Variants in KIRREL3 observed in about 807,000 individuals in gnomAD.
KIRREL3 encodes kirre like nephrin family adhesion molecule 3.
Under a neutral mutation model 89.7 loss-of-function variants are expected in KIRREL3, and 36 were observed. That is an observed-to-expected ratio of 0.40 (90% CI 0.31 to 0.53). The LOEUF is 0.53. Ranked by LOEUF, KIRREL3 falls within the 20% of genes least tolerant of loss-of-function variation. KIRREL3 has a pLI of 0.49. For missense variants in KIRREL3, 864 were observed against 1,056.6 expected (o/e 0.82, Z 2.53); for synonymous variants, 445 against 441.4 (o/e 1.01, Z -0.10).
At position 126,522,887 on chromosome 11, in the gene KIRREL3, C is replaced by T. The variant is rs1958640532; in HGVS notation, c.284-1423G>A. Among the ~76,000 whole-genome samples the T allele has an allele frequency of 6.6e-6, 1 of 152,220 alleles. No individual in the cohort carries two copies. The highest frequency in any genetic ancestry group is 1.5e-5 in the Non-Finnish European group (1 of 68,042). On this transcript the variant is annotated intron_variant, in intron 3 of 16. Coordinates refer to ENST00000525144, the MANE Select transcript of KIRREL3 (RefSeq NM_032531.4). The surrounding 1 kb of genome is among the most constrained non-coding windows in gnomAD (Gnocchi z 6.0). ...GCTCCTCCTTTTGAAGGACCCTCAC[C>T]ACACAGGGAGTGTTCTCAGACGGGT... is the stretch of plus-strand genomic sequence containing the variant.
intron 1 of KIRREL3, among the ~76,000 whole-genome samples, chr11:126,720,881 G>A (rs1948144393): frequency 6.6e-6 from 1 of 152,166 alleles, no homozygotes; most frequent in African/African-American, 2.4e-5. Flanking sequence ...CCAGGAAAGG[G>A]CAGAGAGCAG....
Position 126,579,537 on chromosome 11 carries a change from G to T in KIRREL3, c.56-16625C>A, listed in dbSNP as rs1941431382. Among the ~76,000 whole-genome samples, 1 of 152,190 alleles carries T rather than the reference G, an allele frequency of 6.6e-6. No individual in the cohort carries two copies. The highest frequency in any genetic ancestry group is 1.5e-5 in the Non-Finnish European group (1 of 68,034). Reference sequence around the variant, plus strand: ...GCAAATGGGGTCCGGGTTCATGCAAGAAGCCAGTGGAAGAGGAGAACTGGG... The same window carrying T: ...GCAAATGGGGTCCGGGTTCATGCAATAAGCCAGTGGAAGAGGAGAACTGGG... On this transcript the variant is annotated intron_variant, in intron 1 of 16. Coordinates refer to ENST00000525144, the MANE Select transcript of KIRREL3 (RefSeq NM_032531.4). The surrounding 1 kb of genome is among the most constrained non-coding windows in gnomAD (Gnocchi z 5.3).
In KIRREL3 at chr11:126,772,789, T is replaced by C. The variant is rs1950057823; in HGVS notation, c.56-209877A>G. On this transcript the variant is annotated intron_variant, in intron 1 of 16. Coordinates refer to ENST00000525144, the MANE Select transcript of KIRREL3 (RefSeq NM_032531.4). This position sits in a 1 kb window ranked among gnomAD's most constrained non-coding sequence, Gnocchi z 4.6. ...TTCTGCTTCCTCCTGCCCTGAGGAG[T>C]TTCTTCCTCTGATTCCTTGGTTTTG... is the stretch of plus-strand genomic sequence containing the variant. Among the ~76,000 whole-genome samples, 1 of 152,092 alleles carries C rather than the reference T, an allele frequency of 6.6e-6. No individual in the cohort carries two copies. The highest frequency in any genetic ancestry group is 6.5e-5 in the Admixed American group (1 of 15,278).
At chr11:126,862,193 T>C in intron 1 of KIRREL3, among the ~76,000 whole-genome samples, 1 of 152,210 alleles carries the variant, frequency 6.6e-6, no homozygotes, top group South Asian at 2.1e-4. Flanking sequence ...TTGCTCCTGA[T>C]GATAAAGGAG....
At chr11:126,730,895 C>T (rs11220593) in intron 1 of KIRREL3, among the ~76,000 whole-genome samples, 4,508 of 152,164 alleles carry the variant, frequency 0.03, 98 homozygotes, top group Non-Finnish European at 0.047. Context: ...CCTGCCACCA[C>T]GCCTGGCTAA....
intron 1 of KIRREL3, among the ~76,000 whole-genome samples, chr11:126,933,815 G>A (rs1184854687): frequency 6.8e-6 from 1 of 147,692 alleles, no homozygotes; most frequent in Non-Finnish European, 1.5e-5. Flanking sequence ...AGAAATTAAA[G>A]AAGTTCTAAA....
chr11:126,471,013 T>C lies in KIRREL3; in HGVS notation c.591+2296A>G, dbSNP rs1272105148. The stretch of plus-strand genomic sequence containing the variant: ...TTTAAAAATGTACCCAGAATTTTGT[T>C]TTTATTCAGGTAGAGGGAGGCCAAC... On this transcript the variant is annotated intron_variant, in intron 5 of 16. Transcript: ENST00000525144. This position sits in a 1 kb window ranked among gnomAD's most constrained non-coding sequence, Gnocchi z 5.4. Among the ~76,000 whole-genome samples, 1 of 152,170 alleles carries C rather than the reference T, an allele frequency of 6.6e-6. No homozygotes were observed. Among genetic ancestry groups the C allele is most frequent in the Admixed American group, 6.5e-5 (1 of 15,278 alleles).
intron 6 of KIRREL3, among the ~76,000 whole-genome samples, chr11:126,457,821 G>A (rs1363656713): frequency 3.3e-5 from 5 of 152,122 alleles, no homozygotes; most frequent in Non-Finnish European, 7.4e-5. Flanking sequence ...GTCAAACAAC[G>A]AGGAAAAGAG....
At chr11:126,855,702 C>T (rs1032809050) in intron 1 of KIRREL3, among the ~76,000 whole-genome samples, 29 of 152,216 alleles carry the variant, frequency 1.9e-4, no homozygotes, top group African/African-American at 1.9e-4. Flanking sequence ...CCAGCCTTTC[C>T]AGTCCTGAGA....
intron 4 of KIRREL3, among the ~76,000 whole-genome samples, chr11:126,514,229 C>T (rs116676675): frequency 0.039 from 5,862 of 152,202 alleles, 420 homozygotes; most frequent in African/African-American, 0.13. Context: ...GTCTCTGGCT[C>T]GTTTGCTACC....
chr11:126,784,799 C>T (rs1950434652), intron 1 of KIRREL3, among the ~76,000 whole-genome samples: 1 of 152,210 alleles, frequency 6.6e-6, no homozygotes, highest in South Asian at 2.1e-4. Flanking sequence ...CACCATTTTA[C>T]TTAGCGCTTG....
chr11:126,790,525 A>G (rs1377330973), intron 1 of KIRREL3, among the ~76,000 whole-genome samples: 2 of 152,204 alleles, frequency 1.3e-5, no homozygotes, highest in Non-Finnish European at 2.9e-5. Flanking sequence ...CCTAGAATAT[A>G]GTTAGTGCTC....
chr11:126,951,360 T>C (rs1388100008), intron 1 of KIRREL3, among the ~76,000 whole-genome samples: 1 of 152,238 alleles, frequency 6.6e-6, no homozygotes, highest in African/African-American at 2.4e-5. Flanking sequence ...AACTAGAACA[T>C]ATGCTTTAGA....
In KIRREL3 at chr11:126,704,760, C is replaced by T. The variant is rs117502991; in HGVS notation, c.56-141848G>A. Among the ~76,000 whole-genome samples, 3,099 of 152,302 alleles carry T rather than the reference C, an allele frequency of 0.02. 54 individuals carry two copies. Among genetic ancestry groups the T allele is most frequent in the Middle Eastern group, 0.068 (20 of 294 alleles). The stretch of plus-strand genomic sequence containing the variant: ...TCACTTTTGGGCTAGCTACCTATAC[C>T]AGTCCAAAGGCTTGATACAGGAACC... On this transcript the variant is annotated intron_variant, in intron 1 of 16. Coordinates refer to ENST00000525144, the MANE Select transcript of KIRREL3 (RefSeq NM_032531.4). The surrounding 1 kb of genome is among the most constrained non-coding windows in gnomAD (Gnocchi z 4.2).
Position 126,530,735 on chromosome 11 carries a change from G to A in KIRREL3, c.134-4048C>T, listed in dbSNP as rs1958916282. On this transcript the variant is annotated intron_variant, in intron 2 of 16. Coordinates refer to ENST00000525144, the MANE Select transcript of KIRREL3 (RefSeq NM_032531.4). This position sits in a 1 kb window ranked among gnomAD's most constrained non-coding sequence, Gnocchi z 5.8. ...ACCCAGCACCTTCCACCGGCCCAGG[G>A]TTTCCATCTTCTCCGCTTCGCATTT... Among the ~76,000 whole-genome samples, 1 of 152,182 alleles carries A rather than the reference G, an allele frequency of 6.6e-6. No homozygotes were observed. The highest frequency in any genetic ancestry group is 1.5e-5 in the Non-Finnish European group (1 of 68,030).
In KIRREL3 at chr11:126,622,411, C is replaced by G. The variant is rs1025317585; in HGVS notation, c.56-59499G>C. The stretch of plus-strand genomic sequence containing the variant: ...GAGGAGTCGGTTCTGGCTTGTGAGC[C>G]ATGGTGCTACTGGTCCCTCTGGAGG... On this transcript the variant is annotated intron_variant, in intron 1 of 16. Coordinates refer to ENST00000525144, the MANE Select transcript of KIRREL3 (RefSeq NM_032531.4). The surrounding 1 kb of genome is among the most constrained non-coding windows in gnomAD (Gnocchi z 5.2). 6.6e-6 allele frequency among the ~76,000 whole-genome samples: 1 copy of G among 152,200 alleles called. No homozygotes were observed. The highest frequency in any genetic ancestry group is 2.4e-5 in the African/African-American group (1 of 41,444).
Position 126,558,652 on chromosome 11 carries a change from G to A in KIRREL3, c.133+4183C>T, listed in dbSNP as rs1310139451. 2.0e-5 allele frequency among the ~76,000 whole-genome samples: 3 copies of A among 152,166 alleles called. No homozygotes were observed. Among genetic ancestry groups the A allele is most frequent in the Non-Finnish European group, 4.4e-5 (3 of 68,032 alleles). On this transcript the variant is annotated intron_variant, in intron 2 of 16. Coordinates refer to ENST00000525144, the MANE Select transcript of KIRREL3 (RefSeq NM_032531.4). The surrounding 1 kb of genome is among the most constrained non-coding windows in gnomAD (Gnocchi z 4.0). Reference sequence around the variant, plus strand: ...ATAGAGGAGGCCTGAGCTCTCTGAGGCAGGCACAGCCCCTCCCCTGATACA... The same window carrying A: ...ATAGAGGAGGCCTGAGCTCTCTGAGACAGGCACAGCCCCTCCCCTGATACA...
At chr11:126,760,067 C>T (rs969827931) in intron 1 of KIRREL3, among the ~76,000 whole-genome samples, 2 of 152,190 alleles carry the variant, frequency 1.3e-5, no homozygotes, top group African/African-American at 4.8e-5. Context: ...TTCTTATCCC[C>T]ACTGGCCCTG....
At position 126,620,375 on chromosome 11, in the gene KIRREL3, C is replaced by T. The variant is rs1313702761; in HGVS notation, c.56-57463G>A. Among the ~76,000 whole-genome samples, 1 of 152,172 alleles carries T rather than the reference C, an allele frequency of 6.6e-6. No individual in the cohort carries two copies. The highest frequency in any genetic ancestry group is 2.4e-5 in the African/African-American group (1 of 41,426). ...GCATCCAGTACCAAACACTCTTTCA[C>T]CAGCCCAGGATTCTGAGGGGCTGTG... On this transcript the variant is annotated intron_variant, in intron 1 of 16. Coordinates refer to ENST00000525144, the MANE Select transcript of KIRREL3 (RefSeq NM_032531.4). This position sits in a 1 kb window ranked among gnomAD's most constrained non-coding sequence, Gnocchi z 4.8.
Sources: gnomAD v4.1 joint callset for allele counts (sites outside exome capture counted in the v4.1 genomes callset) on GRCh38, gnomAD v4.1.1 for gene constraint, Gnocchi (gnomAD v3.1) non-coding constraint, MANE v1.5 for transcripts, NCBI Gene and HGNC (gene_info 2026-07-23, HGNC 2026-07-21) for gene names.